Variants in PRKN observed in about 807,000 individuals in gnomAD.
PRKN encodes E3 ubiquitin-protein ligase parkin.
PRKN carries 56 observed loss-of-function variants against 59.5 expected under a neutral mutation model. The observed-to-expected ratio is 0.94, with a 90% CI of 0.76 to 1.18. The LOEUF (loss-of-function observed/expected upper bound fraction) is 1.18. PRKN is among the 50% of genes most tolerant of loss of function. PRKN has a pLI of 0.00. For synonymous variants in PRKN, 250 were observed against 222.1 expected (o/e 1.13, Z -1.12); for missense variants, 657 against 596.4 (o/e 1.10, Z -1.06).
chr6:162,601,696 G>A (rs1422756939), intron 1 of PRKN, among the ~76,000 whole-genome samples: 1 of 152,018 alleles, frequency 6.6e-6, no homozygotes, highest in East Asian at 1.9e-4. Context: ...TTTTATATAT[G>A]AGGAGTACAT....
At chr6:162,549,916 C>T (rs772001277) in intron 1 of PRKN, among the ~76,000 whole-genome samples, 1 of 152,074 alleles carries the variant, frequency 6.6e-6, no homozygotes, top group Admixed American at 6.6e-5. Context: ...GGATTGCAGG[C>T]GTGAGCCACC....
chr6:161,739,535 G>A (rs571832586), intron 7 of PRKN, among the ~76,000 whole-genome samples: 11 of 152,098 alleles, frequency 7.2e-5, no homozygotes, highest in African/African-American at 2.4e-4. Flanking sequence ...TCATACTTAC[G>A]TGTATAATCG....
chr6:161,382,664 C>G (rs1440323557), intron 10 of PRKN, among the ~76,000 whole-genome samples: 2 of 152,196 alleles, frequency 1.3e-5, no homozygotes, highest in East Asian at 1.9e-4. Context: ...ACTGGACTCT[C>G]GTTAGTCTGT....
chr6:162,412,250 A>G (rs535615640), intron 2 of PRKN, among the ~76,000 whole-genome samples: 1 of 152,314 alleles, frequency 6.6e-6, no homozygotes, highest in East Asian at 1.9e-4. Flanking sequence ...TGCACAAAGC[A>G]AATTGCTGAG....
intron 4 of PRKN, among the ~76,000 whole-genome samples, chr6:162,105,950 G>A (rs997941732): frequency 2.0e-5 from 3 of 152,054 alleles, no homozygotes; most frequent in African/African-American, 7.2e-5. Flanking sequence ...GGATCCAATC[G>A]TCATACATAC....
intron 7 of PRKN, among the ~76,000 whole-genome samples, chr6:161,615,691 C>T (rs896389447): frequency 2.0e-5 from 3 of 152,218 alleles, no homozygotes; most frequent in Non-Finnish European, 4.4e-5. Context: ...GTGATACAAC[C>T]GTGGCAATGC....
chr6:162,332,244 G>A (rs1005503371), intron 2 of PRKN, among the ~76,000 whole-genome samples: 7 of 152,166 alleles, frequency 4.6e-5, no homozygotes, highest in African/African-American at 1.4e-4. Flanking sequence ...ACAACTCTGA[G>A]ACTATATATC....
rs766488845 is a variant in PRKN, at chr6:161,678,426, G to A, written c.871+107346C>T. On this transcript the variant is annotated intron_variant, in intron 7 of 11. Coordinates refer to ENST00000366898, the MANE Select transcript of PRKN (RefSeq NM_004562.3). ...GTAAACATGAAATAAGATAATAAGTGTAAAGCTCTTACCACAAATTAAGAG... is the reference window on the plus strand; with the variant it reads ...GTAAACATGAAATAAGATAATAAGTATAAAGCTCTTACCACAAATTAAGAG... 1.4e-4 allele frequency among the ~76,000 whole-genome samples: 22 copies of A among 151,740 alleles called. No individual in the cohort carries two copies. In the Middle Eastern group the frequency reaches 0.014, roughly 94 times the overall value.
intron 7 of PRKN, among the ~76,000 whole-genome samples, chr6:161,623,124 T>G (rs896791019): frequency 1.3e-5 from 2 of 152,230 alleles, no homozygotes; most frequent in Non-Finnish European, 2.9e-5. Context: ...AATACAATCA[T>G]GTACAAAGCC....
rs543370661 is a variant in PRKN, at chr6:162,030,660, G to A, written c.618+23431C>T. On this transcript the variant is annotated intron_variant, in intron 5 of 11. Coordinates refer to ENST00000366898, the MANE Select transcript of PRKN (RefSeq NM_004562.3). Reference sequence around the variant, plus strand: ...GAATTTGGGCAGAGGCTCTGAGTCTGAGAATCATTGTTCCTAGGCAGTTAC... The same window carrying A: ...GAATTTGGGCAGAGGCTCTGAGTCTAAGAATCATTGTTCCTAGGCAGTTAC... Among the ~76,000 whole-genome samples the A allele has an allele frequency of 2.6e-5, 4 of 152,294 alleles. No individual in the cohort carries two copies. In the East Asian group the frequency reaches 7.7e-4, roughly 29 times the overall value.
chr6:162,085,363 C>T (rs992488833), intron 4 of PRKN, among the ~76,000 whole-genome samples: 10 of 151,806 alleles, frequency 6.6e-5, no homozygotes, highest in Non-Finnish European at 1.2e-4. Context: ...TAATGAATAG[C>T]TTTCAATCTA....
chr6:162,462,542 C>A (rs2128174803), intron 1 of PRKN, among the ~76,000 whole-genome samples: 1 of 152,118 alleles, frequency 6.6e-6, no homozygotes, highest in Non-Finnish European at 1.5e-5. Context: ...TGTGTGCGTA[C>A]ATGTATAGTC....
intron 7 of PRKN, among the ~76,000 whole-genome samples, chr6:161,585,765 T>G (rs1201738987): frequency 1.3e-5 from 2 of 152,152 alleles, no homozygotes; most frequent in Non-Finnish European, 2.9e-5. Flanking sequence ...TCCTCCTGCC[T>G]CTTGCCTTTT....
intron 7 of PRKN, among the ~76,000 whole-genome samples, chr6:161,603,274 C>T (rs1406638276): frequency 2.0e-5 from 3 of 152,172 alleles, no homozygotes; most frequent in Admixed American, 2.0e-4. Context: ...GACTCATTTC[C>T]TATGATCGGC....
At chr6:162,381,091 C>T (rs1786460616) in intron 2 of PRKN, among the ~76,000 whole-genome samples, 1 of 152,140 alleles carries the variant, frequency 6.6e-6, no homozygotes, top group Non-Finnish European at 1.5e-5. Context: ...CTGCAGAGCA[C>T]ACCTGCATCT....
chr6:162,223,799 G>A (rs1277916923), intron 3 of PRKN, among the ~76,000 whole-genome samples: 1 of 151,952 alleles, frequency 6.6e-6, no homozygotes, highest in Non-Finnish European at 1.5e-5. Context: ...AAAATTTGTT[G>A]ACTTTTCATT....
chr6:162,223,487 T>G (rs1327027569), intron 3 of PRKN, among the ~76,000 whole-genome samples: 2 of 108,744 alleles, frequency 1.8e-5, no homozygotes, highest in Non-Finnish European at 3.3e-5. Context: ...GATATGCTTG[T>G]AAACAAAATT....
intron 6 of PRKN, among the ~76,000 whole-genome samples, chr6:161,865,114 G>A (rs1794062320): frequency 1.3e-5 from 2 of 152,184 alleles, no homozygotes; most frequent in Admixed American, 6.5e-5. Context: ...TCATGTCCTT[G>A]TACATCTCCA....
chr6:161,830,106 A>G (rs1292920464), intron 6 of PRKN, among the ~76,000 whole-genome samples: 1 of 152,164 alleles, frequency 6.6e-6, no homozygotes, highest in East Asian at 1.9e-4. Flanking sequence ...GGGCGAGGTC[A>G]GTAAGGCTCA....
Sources: gnomAD v4.1 joint callset for allele counts (sites outside exome capture counted in the v4.1 genomes callset) on GRCh38, gnomAD v4.1.1 for gene constraint, MANE v1.5 for transcripts, NCBI Gene and HGNC (gene_info 2026-07-23, HGNC 2026-07-21) for gene names.